Variants in R3HDM2 observed in about 807,000 individuals in gnomAD.
The protein encoded by R3HDM2 is R3H domain containing 2.
A neutral mutation model predicts 124.5 loss-of-function variants in R3HDM2; 38 were observed. The observed-to-expected ratio is 0.31, with a 90% CI of 0.24 to 0.40. The LOEUF (loss-of-function observed/expected upper bound fraction) is 0.40, where lower values mean the gene tolerates loss of function less well. Ranked by LOEUF, R3HDM2 falls within the 10% of genes least tolerant of loss-of-function variation. R3HDM2 has a pLI of 1.00. For synonymous variants in R3HDM2, 391 were observed against 448.0 expected (o/e 0.87, Z 1.61); for missense variants, 869 against 1,236.9 (o/e 0.70, Z 4.46).
chr12:57,314,796 C>G (rs1170385976), intron 2 of R3HDM2, among the ~76,000 whole-genome samples: 1 of 152,090 alleles, frequency 6.6e-6, no homozygotes, highest in Non-Finnish European at 1.5e-5. Flanking sequence ...CTTTTCCAAG[C>G]TTAAATAGCC....
intron 17 of R3HDM2, 82 bp downstream of exon 17, chr12:57,268,840 T>C (rs1355136985): frequency 4.3e-5 from 64 of 1,489,294 alleles, no homozygotes; most frequent in Non-Finnish European, 4.7e-5. Flanking sequence ...ATTGGAGTTT[T>C]TAGTATGGAT....
chr12:57,315,945 C>T (rs1001324185), intron 2 of R3HDM2, among the ~76,000 whole-genome samples: 3 of 152,154 alleles, frequency 2.0e-5, no homozygotes, highest in Non-Finnish European at 2.9e-5. Context: ...CATGGCAAAC[C>T]CCATCTCTAC....
At chr12:57,264,799 A>G (rs1364147620) in intron 19 of R3HDM2, among the ~76,000 whole-genome samples, 1 of 151,918 alleles carries the variant, frequency 6.6e-6, no homozygotes, top group African/African-American at 2.4e-5. Context: ...ACCATGCCCA[A>G]CTAATTTTTA....
At chr12:57,414,374 C>T (rs182742543) in intron 1 of R3HDM2, among the ~76,000 whole-genome samples, 13 of 147,460 alleles carry the variant, frequency 8.8e-5, no homozygotes, top group South Asian at 6.5e-4. Context: ...ACCTGTCATC[C>T]TAGCTACTGG....
intron 2 of R3HDM2, among the ~76,000 whole-genome samples, chr12:57,373,665 G>A (rs992003099): frequency 3.3e-5 from 5 of 151,370 alleles, no homozygotes; most frequent in Admixed American, 2.0e-4. Flanking sequence ...CAAACTTAGC[G>A]GGGGGTGGTG....
rs1378492167 is a variant in R3HDM2, at chr12:57,266,831, G to T, written c.2031C>A (p.Ser677Arg). The stretch of plus-strand genomic sequence containing the variant: ...GGGGTTGCAGAAACCCTACAGAAGG[G>T]CTGGGAAGACAGAGAAGAGAGGAGT... ...MIPPAQQNGT[S>R]PSVGFLQPPG... Residue 677 changes from serine to arginine, a missense_variant and splice_region_variant, in exon 19 of 24, where the codon AGC (serine) becomes AGA (arginine). Physicochemically the swap from Ser to Arg is moderately radical, Grantham distance 110. This residue lies in a region of R3HDM2 where 602 missense variants were observed against 789.2 expected (regional missense o/e 0.76). Coordinates refer to ENST00000402412, the MANE Select transcript of R3HDM2 (RefSeq NM_001394031.1). 1.3e-6 allele frequency: 2 copies of T among 1,586,556 alleles called. No individual in the cohort carries two copies. Among genetic ancestry groups the T allele is most frequent in the Non-Finnish European group, 1.7e-6 (2 of 1,156,874 alleles).
chr12:57,265,425 C>T (rs981187722), intron 19 of R3HDM2, among the ~76,000 whole-genome samples: 1 of 151,600 alleles, frequency 6.6e-6, no homozygotes, highest in Non-Finnish European at 1.5e-5. Flanking sequence ...GAAATGCTGT[C>T]TATATGAAGG....
At chr12:57,408,061 C>A (rs1356927037) in intron 1 of R3HDM2, among the ~76,000 whole-genome samples, 1 of 152,206 alleles carries the variant, frequency 6.6e-6, no homozygotes, top group Non-Finnish European at 1.5e-5. Flanking sequence ...TCCTGAGTAG[C>A]TGAAATTACA....
At chr12:57,325,711 ATT>A (rs35553480) in intron 2 of R3HDM2, among the ~76,000 whole-genome samples, 223 of 142,032 alleles carry the variant, frequency 1.6e-3, no homozygotes, top group Middle Eastern at 3.6e-3. Flanking sequence ...TCCTTAGCTA[ATT>A]TTTTTTTTTT....
intron 2 of R3HDM2, among the ~76,000 whole-genome samples, chr12:57,389,727 A>AT (rs1355106058): frequency 6.6e-6 from 1 of 152,220 alleles, no homozygotes; most frequent in African/African-American, 2.4e-5. Context: ...ACATGACCAT[A>AT]TTTTTTAACA....
chr12:57,420,523 T>C (rs929594669), intron 1 of R3HDM2, among the ~76,000 whole-genome samples: 115 of 151,422 alleles, frequency 7.6e-4, no homozygotes, highest in Non-Finnish European at 1.4e-3. Flanking sequence ...GGTTTTCTTT[T>C]TTTTTTTTTT....
At chr12:57,272,014 C>A (rs1477895213) in intron 14 of R3HDM2, among the ~76,000 whole-genome samples, 1 of 152,050 alleles carries the variant, frequency 6.6e-6, no homozygotes, top group South Asian at 2.1e-4. Flanking sequence ...CCTGCCTCAG[C>A]CTCTCAAGTA....
intron 20 of R3HDM2, among the ~76,000 whole-genome samples, chr12:57,258,583 G>A (rs925276579): frequency 6.6e-6 from 1 of 151,902 alleles, no homozygotes; most frequent in South Asian, 2.1e-4. Flanking sequence ...TGATCCTCCC[G>A]CCTTGTCCTC....
chr12:57,333,584 T>C (rs975564383), intron 2 of R3HDM2, among the ~76,000 whole-genome samples: 1 of 151,786 alleles, frequency 6.6e-6, no homozygotes, highest in Non-Finnish European at 1.5e-5. Context: ...CCCAGCTACT[T>C]TGAAGGCTGA....
rs568877596 is a variant in R3HDM2 at position 57,418,075 on chromosome 12, G to A, written c.-106+12645C>T. ...CACTCCAGATCCATTTAGACAACTAGCTGCTAGACATTTCCAAAAGTGAAC... is the reference window on the plus strand; with the variant it reads ...CACTCCAGATCCATTTAGACAACTAACTGCTAGACATTTCCAAAAGTGAAC... On this transcript the variant is annotated intron_variant, in intron 1 of 23. Coordinates refer to ENST00000402412, the MANE Select transcript of R3HDM2 (RefSeq NM_001394031.1). 1.3e-5 allele frequency: 10 copies of A among 780,000 alleles called. No individual in the cohort carries two copies. The African/African-American group carries it at 1.5e-4, about 12-fold the overall frequency. The allele number at this position is 780,000 out of a possible 1,614,324, so 48.3% of individuals were successfully genotyped here.
chr12:57,315,711 C>T (rs770054679), intron 2 of R3HDM2, among the ~76,000 whole-genome samples: 53 of 152,188 alleles, frequency 3.5e-4, no homozygotes, highest in Non-Finnish European at 3.4e-4. Context: ...TATTCAACCT[C>T]AAGTTTTACG....
chr12:57,343,422 C>A (rs1283940179), intron 2 of R3HDM2, among the ~76,000 whole-genome samples: 1 of 151,970 alleles, frequency 6.6e-6, no homozygotes, highest in Non-Finnish European at 1.5e-5. Flanking sequence ...CTCCCGACCT[C>A]AGGTGATCTG....
chr12:57,321,193 G>A (rs1021969260), intron 2 of R3HDM2, among the ~76,000 whole-genome samples: 4 of 152,124 alleles, frequency 2.6e-5, no homozygotes, highest in African/African-American at 9.7e-5. Context: ...ATGTACATAG[G>A]AACATTTCCA....
At chr12:57,294,415 G>A (rs1020068325) in intron 10 of R3HDM2, among the ~76,000 whole-genome samples, 1 of 152,062 alleles carries the variant, frequency 6.6e-6, no homozygotes, top group East Asian at 1.9e-4. Flanking sequence ...TTGTCTTTTT[G>A]TATGTTTCTT....
Sources: gnomAD v4.1 joint callset for allele counts (sites outside exome capture counted in the v4.1 genomes callset) on GRCh38, gnomAD v4.1.1 for gene constraint, gnomAD v4.1.1 regional missense constraint, MANE v1.5 for transcripts, NCBI Gene and HGNC (gene_info 2026-07-23, HGNC 2026-07-21) for gene names.